TTC28: variants seen among roughly 807,000 people sequenced by gnomAD.
TTC28 encodes the protein tetratricopeptide repeat domain 28.
TTC28 carries 61 observed loss-of-function variants against 198.0 expected under a neutral mutation model. The observed-to-expected ratio is 0.31, with a 90% confidence interval of 0.25 to 0.38. The LOEUF (loss-of-function observed/expected upper bound fraction) is 0.38. TTC28 is among the 10% of genes least tolerant of loss of function. TTC28 has a pLI of 1.00. For synonymous variants in TTC28, 1,171 were observed against 1,297.8 expected, an observed-to-expected ratio of 0.90 and a Z score of 2.10; for missense variants, 2,678 against 3,164.0, an observed-to-expected ratio of 0.85 and a Z score of 3.69.
chr22:28,167,364 C>T (rs1174001835), intron 5 of TTC28, among the ~76,000 whole-genome samples: 1 of 152,034 alleles, frequency 6.6e-6, no homozygotes, highest in Non-Finnish European at 1.5e-5. Flanking sequence ...GGCAGAGATA[C>T]AACAAAAAGA....
chr22:28,562,959 C>CA lies in TTC28; in HGVS notation c.381+66592dup, dbSNP rs566166700. Among the ~76,000 whole-genome samples the CA allele has an allele frequency of 2.7e-3, 412 of 152,106 alleles. 1 individual carries two copies. Among genetic ancestry groups the CA allele is most frequent in the African/African-American group, 9.6e-3 (399 of 41,476 alleles). Reference sequence around the variant, plus strand: ...GCAACATAGCAAAACCCTGTCTCTACAAAAAATACAAATATTTGCCAGGTG... The same window carrying CA: ...GCAACATAGCAAAACCCTGTCTCTACAAAAAAATACAAATATTTGCCAGGTG... On this transcript the variant is annotated intron_variant, in intron 2 of 22. Transcript: ENST00000397906.
chr22:28,154,727 A>G (rs186139537), intron 6 of TTC28, among the ~76,000 whole-genome samples: 6 of 152,192 alleles, frequency 3.9e-5, no homozygotes, highest in African/African-American at 1.2e-4. Context: ...GAAAATAGCT[A>G]GGCTACACTT....
chr22:28,655,947 T>C (rs1411525895), intron 1 of TTC28, among the ~76,000 whole-genome samples: 1 of 151,880 alleles, frequency 6.6e-6, no homozygotes, highest in East Asian at 1.9e-4. Flanking sequence ...CCTTATCACC[T>C]CTATCTCGTC....
chr22:28,067,990 C>T (rs1163137067), intron 12 of TTC28, among the ~76,000 whole-genome samples: 2 of 152,128 alleles, frequency 1.3e-5, no homozygotes, highest in African/African-American at 4.8e-5. Flanking sequence ...TTAAACTTAG[C>T]TCATCTCTAA....
chr22:28,297,787 C>T lies in TTC28; in HGVS notation c.595G>A (p.Val199Met), dbSNP rs887905068. ...MKLDKSPFVV[V>M]SVVGQELLTA... ...AGGAGTTCCTGCCCAACCACAGACA[C>T]GACCACAAAGGGACTCTTGTCCAGT... Residue 199 changes from valine (V) to methionine (M), a missense_variant, in exon 4 of 23, where the codon GTG becomes ATG. Coordinates refer to ENST00000397906, the MANE Select transcript of TTC28 (RefSeq NM_001145418.2). The T allele has an allele frequency of 1.2e-5, 19 of 1,551,524 alleles. No individual in the cohort carries two copies. The highest frequency in any genetic ancestry group is 1.4e-5 in the Non-Finnish European group (16 of 1,146,990).
At position 28,472,552 on chromosome 22, in the gene TTC28, ATGTGTGTG is replaced by A. The variant is rs3053555; in HGVS notation, c.381+156992_381+156999del. Among the ~76,000 whole-genome samples, 220 of 114,832 alleles carry A rather than the reference ATGTGTGTG, an allele frequency of 1.9e-3. 2 individuals are homozygous for A. Among genetic ancestry groups the A allele is most frequent in the Non-Finnish European group, 2.9e-3 (137 of 47,510 alleles). The allele number at this position is 114,832 out of a possible 152,430, so 75.3% of individuals were successfully genotyped here. A position where few individuals can be genotyped will look rare whatever the true frequency, so the allele number is the denominator to read the frequency against. On this transcript the variant is annotated intron_variant, in intron 2 of 22. Transcript: ENST00000397906. ...AATTTTTGACAAAAAGAAAATGTGTATGTGTGTGTGTGTGTGTGTGTGTGTGTGTGTGT... is the reference window on the plus strand; with the variant it reads ...AATTTTTGACAAAAAGAAAATGTGTATGTGTGTGTGTGTGTGTGTGTGTGT...
rs553785021 is a variant in TTC28 at position 28,659,767 on chromosome 22, CTTTTA to C, written c.102+19850_102+19854del. On this transcript the variant is annotated intron_variant, in intron 1 of 22. Coordinates refer to ENST00000397906, the MANE Select transcript of TTC28 (RefSeq NM_001145418.2). ...ACAGGGCCAGACACTGTCTCTAAAT[CTTTTA>C]TTTTAATTTAAAAATAAAATCTGAA... 6.6e-5 allele frequency among the ~76,000 whole-genome samples: 10 copies of C among 151,646 alleles called. No individual in the cohort carries two copies. The South Asian group carries it at 1.3e-3, about 19-fold the overall frequency.
At chr22:28,189,474 T>C (rs560484622) in intron 5 of TTC28, among the ~76,000 whole-genome samples, 68 of 148,916 alleles carry the variant, frequency 4.6e-4, no homozygotes, top group African/African-American at 1.7e-3. Context: ...GTTCTATACA[T>C]AGAAAACAAA....
chr22:28,099,000 T>C lies in TTC28; in HGVS notation c.3462A>G (p.Ala1154=). 1 of 1,551,960 alleles carries C rather than the reference T, an allele frequency of 6.4e-7. No homozygotes were observed. Among genetic ancestry groups the C allele is most frequent in the Non-Finnish European group, 8.7e-7 (1 of 1,147,034 alleles). ...AGAGTTTGTAGTCCGTGCTCAGCTG[T>C]GCCTCATGTCGGATTGTTTCAAACA... ...SALFETIRHE[A]QLSTDYKLSL... The change falls in exon 10 of 23, where the codon GCA becomes GCG. Residue 1154 remains alanine (A), a synonymous_variant. Coordinates refer to ENST00000397906, the MANE Select transcript of TTC28 (RefSeq NM_001145418.2).
chr22:28,609,688 T>C (rs936928254), intron 2 of TTC28, among the ~76,000 whole-genome samples: 1 of 142,502 alleles, frequency 7.0e-6, no homozygotes, highest in Non-Finnish European at 1.5e-5. Flanking sequence ...AGTTTGTTTG[T>C]TTTTTTTTTT....
intron 13 of TTC28, among the ~76,000 whole-genome samples, chr22:28,026,596 T>A (rs1162075846): frequency 6.6e-6 from 1 of 152,144 alleles, no homozygotes; most frequent in Non-Finnish European, 1.5e-5. Flanking sequence ...AAGCTGAGGT[T>A]CTCTCTTGCT....
chr22:28,565,930 T>C (rs1244931519), intron 2 of TTC28, among the ~76,000 whole-genome samples: 2 of 152,164 alleles, frequency 1.3e-5, no homozygotes, highest in Non-Finnish European at 2.9e-5. Flanking sequence ...CTTACTCCAT[T>C]TATCCCTAGT....
chr22:28,067,281 T>A (rs1244694924), intron 12 of TTC28, among the ~76,000 whole-genome samples: 1 of 152,178 alleles, frequency 6.6e-6, no homozygotes, highest in Non-Finnish European at 1.5e-5. Context: ...GAGAACTTCT[T>A]ATAGCAGGAA....
intron 13 of TTC28, among the ~76,000 whole-genome samples, chr22:28,026,004 G>A (rs943239734): frequency 6.6e-6 from 1 of 152,226 alleles, no homozygotes; most frequent in African/African-American, 2.4e-5. Flanking sequence ...GCTCTCCACT[G>A]TCCTGCTGAC....
intron 6 of TTC28, among the ~76,000 whole-genome samples, chr22:28,145,293 G>A (rs1465943412): frequency 6.6e-6 from 1 of 152,090 alleles, no homozygotes; most frequent in Admixed American, 6.5e-5. Flanking sequence ...CAAAACTGAG[G>A]CCCAGGAAAG....
chr22:28,535,323 C>A (rs2049242609), intron 2 of TTC28, among the ~76,000 whole-genome samples: 1 of 152,112 alleles, frequency 6.6e-6, no homozygotes, highest in African/African-American at 2.4e-5. Context: ...ATTGACAACA[C>A]CACAGAGGCC....
At chr22:28,134,037 A>T (rs1207313591) in intron 6 of TTC28, among the ~76,000 whole-genome samples, 1 of 152,228 alleles carries the variant, frequency 6.6e-6, no homozygotes, top group East Asian at 1.9e-4. Flanking sequence ...TCAGGCAGCA[A>T]CATTTGCTGT....
intron 5 of TTC28, among the ~76,000 whole-genome samples, chr22:28,168,308 T>C (rs1265288663): frequency 2.6e-5 from 4 of 152,134 alleles, no homozygotes; most frequent in South Asian, 2.1e-4. Context: ...CTTCACAGAA[T>C]TGGAAAAAAC....
chr22:28,651,489 C>T (rs2051563230), intron 1 of TTC28, among the ~76,000 whole-genome samples: 1 of 152,162 alleles, frequency 6.6e-6, no homozygotes, highest in African/African-American at 2.4e-5. Context: ...AAGCATGGCT[C>T]ATTGCAGTCT....
Sources: gnomAD v4.1 joint callset for allele counts (sites outside exome capture counted in the v4.1 genomes callset) on GRCh38, gnomAD v4.1.1 for gene constraint, MANE v1.5 for transcripts, NCBI Gene and HGNC (gene_info 2026-07-23, HGNC 2026-07-21) for gene names.